Variants in IQCK observed in about 807,000 individuals in gnomAD.
The protein encoded by IQCK is IQ domain-containing protein K.
In IQCK, 29 loss-of-function variants were observed where a neutral mutation model predicts 28.1. That is an observed-to-expected ratio of 1.03 (90% CI 0.77 to 1.41). The LOEUF (loss-of-function observed/expected upper bound fraction) is 1.41, where lower values mean the gene tolerates loss of function less well. Ranked by LOEUF, IQCK falls within the 40% of genes most tolerant of loss-of-function variation. The pLI is 0.00. For missense variants in IQCK, 359 were observed against 314.7 expected, an observed-to-expected ratio of 1.14 and a Z score of -1.07; for synonymous variants, 113 against 115.1, an observed-to-expected ratio of 0.98 and a Z score of 0.12.
chr16:19,857,682 T>G (rs1420618194), exon 10 of IQCK: 1 of 210,430 alleles, frequency 4.8e-6, no homozygotes, highest in East Asian at 1.6e-4. Flanking sequence ...CAACTCAGCC[T>G]TGGCCAACCG....
chr16:19,720,694 T>C (rs936889979), intron 1 of IQCK, among the ~76,000 whole-genome samples: 1 of 152,172 alleles, frequency 6.6e-6, no homozygotes, highest in Non-Finnish European at 1.5e-5. Context: ...GAAGAGCAAG[T>C]GAATTGATGC....
intron 4 of IQCK, among the ~76,000 whole-genome samples, chr16:19,739,814 C>CA (rs34132517): frequency 0.02 from 2,874 of 144,024 alleles, 70 homozygotes; most frequent in African/African-American, 0.067. Context: ...GACCCTGTCT[C>CA]AAAAAAAAAA....
chr16:19,749,419 G>A (rs1259081877), intron 4 of IQCK, among the ~76,000 whole-genome samples: 4 of 152,200 alleles, frequency 2.6e-5, no homozygotes, highest in Non-Finnish European at 5.9e-5. Flanking sequence ...TACAGTGGCA[G>A]AGTTGAATAT....
intron 7 of IQCK, among the ~76,000 whole-genome samples, chr16:19,824,530 C>T (rs2056119708): frequency 6.6e-6 from 1 of 152,192 alleles, no homozygotes; most frequent in Non-Finnish European, 1.5e-5. Context: ...TAAGGGGAAC[C>T]CCCAAAGTAG....
chr16:19,740,907 G>A (rs1007496337), intron 4 of IQCK, among the ~76,000 whole-genome samples: 2 of 151,406 alleles, frequency 1.3e-5, no homozygotes, highest in African/African-American at 4.9e-5. Flanking sequence ...GGCAGAGGTT[G>A]CAGTGAGCCA....
chr16:19,804,616 T>C (rs1014819990), intron 7 of IQCK, among the ~76,000 whole-genome samples: 4 of 152,010 alleles, frequency 2.6e-5, no homozygotes, highest in Non-Finnish European at 5.9e-5. Flanking sequence ...TTTGTATTTT[T>C]TTAGAGACGA....
intron 6 of IQCK, among the ~76,000 whole-genome samples, chr16:19,776,579 C>T (rs967790186): frequency 2.6e-5 from 4 of 152,118 alleles, no homozygotes; most frequent in Non-Finnish European, 5.9e-5. Flanking sequence ...TTGTGGTGCA[C>T]GCCTGTAATA....
At chr16:19,833,299 C>A (rs1216206144) in intron 9 of IQCK, among the ~76,000 whole-genome samples, 1 of 152,126 alleles carries the variant, frequency 6.6e-6, no homozygotes, top group African/African-American at 2.4e-5. Flanking sequence ...GAATCTATTA[C>A]ATAAATTCAC....
At chr16:19,745,089 TA>T (rs1017031222) in intron 4 of IQCK, among the ~76,000 whole-genome samples, 59 of 151,510 alleles carry the variant, frequency 3.9e-4, no homozygotes, top group African/African-American at 1.3e-3. Context: ...TTGGGTATAT[TA>T]AAAAATTTCA....
chr16:19,732,572 C>A (rs1024248929), intron 2 of IQCK, among the ~76,000 whole-genome samples: 1 of 152,214 alleles, frequency 6.6e-6, no homozygotes, highest in Non-Finnish European at 1.5e-5. Flanking sequence ...GCGATCTTCC[C>A]GCCTTTTCCT....
intron 4 of IQCK, among the ~76,000 whole-genome samples, chr16:19,753,508 G>A (rs1311794011): frequency 1.3e-5 from 2 of 152,168 alleles, no homozygotes; most frequent in Admixed American, 6.5e-5. Flanking sequence ...TTAGTGGCCT[G>A]TTAGGCATCC....
chr16:19,816,130 A>T (rs570497440), intron 7 of IQCK, among the ~76,000 whole-genome samples: 42 of 152,290 alleles, frequency 2.8e-4, no homozygotes, highest in African/African-American at 9.9e-4. Context: ...AATCATCCTC[A>T]GTCATCCAGG....
At chr16:19,785,325 G>A (rs1023897520) in intron 6 of IQCK, among the ~76,000 whole-genome samples, 2 of 152,162 alleles carry the variant, frequency 1.3e-5, no homozygotes, top group African/African-American at 4.8e-5. Flanking sequence ...GGGGTATACT[G>A]GAGGCAGAGG....
intron 6 of IQCK, among the ~76,000 whole-genome samples, chr16:19,779,399 A>G (rs2055443897): frequency 6.6e-6 from 1 of 152,218 alleles, no homozygotes; most frequent in Non-Finnish European, 1.5e-5. Context: ...AACTGGCTGA[A>G]TGGGATCCCT....
chr16:19,744,486 A>T (rs1048335579), intron 4 of IQCK, among the ~76,000 whole-genome samples: 1 of 152,210 alleles, frequency 6.6e-6, no homozygotes, highest in Non-Finnish European at 1.5e-5. Context: ...AGCATATTTA[A>T]TAGGCAGGTA....
exon 10 of IQCK, chr16:19,856,822 C>G (rs914836046): frequency 2.6e-6 from 1 of 382,816 alleles, no homozygotes; most frequent in Non-Finnish European, 4.7e-6. Flanking sequence ...TCTTCTACAC[C>G]AGCTGCTGTT....
At chr16:19,835,232 G>A (rs548485490) in intron 9 of IQCK, among the ~76,000 whole-genome samples, 14 of 151,224 alleles carry the variant, frequency 9.3e-5, no homozygotes, top group East Asian at 7.9e-4. Context: ...GCAGTGAGCC[G>A]AGATCACACT....
At chr16:19,725,278 C>T (rs1977620779) in intron 1 of IQCK, among the ~76,000 whole-genome samples, 1 of 152,096 alleles carries the variant, frequency 6.6e-6, no homozygotes, top group Non-Finnish European at 1.5e-5. Flanking sequence ...CTTACTACAG[C>T]CTCAACCTCC....
chr16:19,746,182 CTTCAT>C (rs2054909772), intron 4 of IQCK, among the ~76,000 whole-genome samples: 1 of 132,704 alleles, frequency 7.5e-6, no homozygotes, highest in East Asian at 2.1e-4. Context: ...AAGAGTCTAG[CTTCAT>C]TTCTTTTTTT....
Sources: gnomAD v4.1 joint callset for allele counts (sites outside exome capture counted in the v4.1 genomes callset) on GRCh38, gnomAD v4.1.1 for gene constraint, MANE v1.5 for transcripts, NCBI Gene and HGNC (gene_info 2026-07-23, HGNC 2026-07-21) for gene names.